Variants in SLF2 observed in about 807,000 individuals in gnomAD.
The protein encoded by SLF2 is SMC5-SMC6 complex localization factor protein 2.
Under a neutral mutation model 124.3 loss-of-function variants are expected in SLF2, and 68 were observed. The ratio of observed to expected loss-of-function variants is 0.55; its 90% CI spans 0.45 to 0.67. The LOEUF (loss-of-function observed/expected upper bound fraction) is 0.67. Among genes scored for constraint, SLF2 ranks in the 30% least tolerant of loss-of-function variants. SLF2 has a pLI of 0.00. For synonymous variants in SLF2, 480 were observed against 478.8 expected, an observed-to-expected ratio of 1.00 and a Z score of -0.03; for missense variants, 1,246 against 1,373.7, an observed-to-expected ratio of 0.91 and a Z score of 1.47.
chr10:100,915,760 A>T (rs1849401808), intron 1 of SLF2, among the ~76,000 whole-genome samples: 1 of 152,196 alleles, frequency 6.6e-6, no homozygotes, highest in Non-Finnish European at 1.5e-5. Context: ...CTATTTAAGT[A>T]CTATAAATAA....
chr10:100,945,463 T>A lies in SLF2; in HGVS notation c.2891T>A (p.Leu964His), dbSNP rs1251385540. 1 of 1,586,908 alleles carries A rather than the reference T, an allele frequency of 6.3e-7. No homozygotes were observed. The highest frequency in any genetic ancestry group is 8.5e-7 in the Non-Finnish European group (1 of 1,173,852). ...KQIPLVDFQS[L>H]LINLMKNIRD... ...ATTCCTTTAGTAGACTTTCAAAGCCTCCTGATAAACCTGATGAAAAACATC... is the reference window on the plus strand; with the variant it reads ...ATTCCTTTAGTAGACTTTCAAAGCCACCTGATAAACCTGATGAAAAACATC... Residue 964 changes from leucine to histidine, a missense_variant, in exon 13 of 20, where the codon CTC becomes CAC. Around this residue, in one of 3 missense-constraint regions of SLF2, gnomAD observed 535 missense variants for 632.8 expected, o/e 0.85. Coordinates refer to ENST00000238961, the MANE Select transcript of SLF2 (RefSeq NM_018121.4).
chr10:100,927,621 G>A (rs2133774821), intron 6 of SLF2, among the ~76,000 whole-genome samples: 1 of 152,244 alleles, frequency 6.6e-6, no homozygotes, highest in South Asian at 2.1e-4. Context: ...TGGACTTACT[G>A]GATTATATGG....
In SLF2 at chr10:100,956,466, C is replaced by T. The variant is rs754111297; in HGVS notation, c.3346C>T (p.Leu1116Phe). The T allele has an allele frequency of 1.2e-6, 2 of 1,612,034 alleles. No homozygotes were observed. Among genetic ancestry groups the T allele is most frequent in the African/African-American group, 2.7e-5 (2 of 74,742 alleles). Residue 1116 changes from leucine (L) to phenylalanine (F), a missense_variant, in exon 18 of 20, where the codon CTC (leucine) becomes TTC (phenylalanine). This residue lies in a region of SLF2 where 535 missense variants were observed against 632.8 expected (regional missense o/e 0.85). Coordinates refer to ENST00000238961, the MANE Select transcript of SLF2 (RefSeq NM_018121.4). Reference protein sequence around the residue: ...SSGQRKHFVLLCGALEKHVKC... With the variant: ...SSGQRKHFVLFCGALEKHVKC... ...TTTTGCACAGAAACACTTTGTGCTA[C>T]TCTGTGGGGCTTTGGAAAAGCATGT... is the stretch of plus-strand genomic sequence containing the variant.
In SLF2 at chr10:100,950,715, G is replaced by A; in HGVS notation, c.3292G>A (p.Glu1098Lys). The A allele has an allele frequency of 1.2e-6, 2 of 1,614,078 alleles. No homozygotes were observed. Among genetic ancestry groups the A allele is most frequent in the Non-Finnish European group, 1.7e-6 (2 of 1,179,978 alleles). The change falls in exon 17 of 20, where the codon GAA becomes AAA. Residue 1098 changes from glutamate to lysine, a missense_variant. By Grantham distance (56) the Glu-to-Lys change is moderately conservative. This residue lies in a region of SLF2 where 535 missense variants were observed against 632.8 expected (regional missense o/e 0.85). Coordinates refer to ENST00000238961, the MANE Select transcript of SLF2 (RefSeq NM_018121.4). ...CTACATTCTTCTTCATTTAGTCGGT[G>A]AAGTTAGTTGTTCTCATTCTTTTTC... ...LTYILLHLVG[E>K]VSCSHSFSSG...
intron 10 of SLF2, 87 bp from the exon 11 acceptor site, chr10:100,938,508 T>C (rs1318609314): frequency 7.7e-6 from 10 of 1,294,408 alleles, no homozygotes; most frequent in African/African-American, 3.0e-5. Flanking sequence ...ATTGTAATTA[T>C]TCATGTTTCA....
chr10:100,916,470 A>G (rs775707924), intron 2 of SLF2, 100 bp from the exon 3 acceptor site: 92 of 1,026,484 alleles, frequency 9.0e-5, no homozygotes, highest in Non-Finnish European at 1.1e-4. Context: ...TTGTGGTAAC[A>G]TTAGTATAGT....
At chr10:100,933,228 A>T (rs1339059626) in intron 9 of SLF2, among the ~76,000 whole-genome samples, 2 of 152,206 alleles carry the variant, frequency 1.3e-5, no homozygotes, top group East Asian at 1.9e-4. Context: ...CCTCTTGTTG[A>T]TGTGGGCCCA....
chr10:100,955,232 G>A (rs957280504), intron 17 of SLF2, among the ~76,000 whole-genome samples: 8 of 150,772 alleles, frequency 5.3e-5, no homozygotes, highest in African/African-American at 2.0e-4. Flanking sequence ...GAGCTACCTC[G>A]CCCGGCTGAC....
chr10:100,916,656 A>G lies in SLF2; in HGVS notation c.271A>G (p.Arg91Gly). ...LSITGTEQFE[R>G]KLSSPKESKP... is the part of the protein sequence containing the mutation. ...TATCACTGGGACAGAGCAGTTTGAA[A>G]GGAAACTATCCTCACCAAAAGAATC... Residue 91 changes from arginine to glycine, a missense_variant, in exon 3 of 20, where the codon AGG becomes GGG. Physicochemically the swap from Arg to Gly is moderately radical, Grantham distance 125 (BLOSUM62 -2). This residue lies in a region of SLF2 where 698 missense variants were observed against 708.9 expected (regional missense o/e 0.98). Coordinates refer to ENST00000238961, the MANE Select transcript of SLF2 (RefSeq NM_018121.4). 1 of 1,523,632 alleles carries G rather than the reference A, an allele frequency of 6.6e-7. No homozygotes were observed. Among genetic ancestry groups the G allele is most frequent in the East Asian group, 2.3e-5 (1 of 44,194 alleles). 94.4% of individuals were successfully genotyped at this position (1,523,632 alleles called of 1,614,324 possible). A position where few individuals can be genotyped will look rare whatever the true frequency, so the allele number is the denominator to read the frequency against.
At chr10:100,930,899 C>G in intron 8 of SLF2, 77 bp from the exon 9 acceptor site, 1 of 1,077,636 alleles carries the variant, frequency 9.3e-7, no homozygotes, top group East Asian at 2.4e-5. Context: ...CTGATTATGT[C>G]AGATGTGTTG....
chr10:100,930,071 C>A, intron 8 of SLF2, 74 bp downstream of exon 8: 1 of 952,354 alleles, frequency 1.1e-6, no homozygotes, highest in Non-Finnish European at 1.5e-6. Context: ...CTCACGTAAT[C>A]TTCTAAAAGG....
rs772297528 is a variant in SLF2, at chr10:100,930,013, G to A, written c.2333+16G>A. On this transcript the variant is annotated intron_variant, in intron 8 of 19. Transcript: ENST00000238961. ...TTATTCTTAAGTAAGTAGAAAAATA[G>A]ACATTTTACTTTTATATGTATAAAA... 5 of 1,446,322 alleles carry A rather than the reference G, an allele frequency of 3.5e-6. No homozygotes were observed. Among genetic ancestry groups the A allele is most frequent in the Non-Finnish European group, 4.6e-6 (5 of 1,080,036 alleles). The allele number at this position is 1,446,322 out of a possible 1,614,324, so 89.6% of individuals were successfully genotyped here.
chr10:100,955,974 C>T (rs966984443), intron 17 of SLF2, among the ~76,000 whole-genome samples: 4 of 151,932 alleles, frequency 2.6e-5, no homozygotes, highest in African/African-American at 9.7e-5. Context: ...GAGGCTGAGA[C>T]TGGAGGAGCA....
At chr10:100,913,548 C>T in intron 1 of SLF2, 1 of 1,235,876 alleles carries the variant, frequency 8.1e-7, no homozygotes, top group Non-Finnish European at 1.0e-6. Flanking sequence ...TGACCCGGGA[C>T]CCTAACTGCT....
At chr10:100,916,166 G>T in intron 2 of SLF2, 124 bp downstream of exon 2, 1 of 673,974 alleles carries the variant, frequency 1.5e-6, no homozygotes, top group South Asian at 2.7e-5. Flanking sequence ...AAAATAAAAT[G>T]AAGATGCAGT....
chr10:100,926,234 A>G, intron 6 of SLF2: 5 of 1,536,686 alleles, frequency 3.3e-6, no homozygotes, highest in East Asian at 4.9e-5. Flanking sequence ...ACTTGAGCCC[A>G]GGAGTTCAAG....
At position 100,925,989 on chromosome 10, in the gene SLF2, G is replaced by A; in HGVS notation, c.2012G>A (p.Arg671His). 4.3e-6 allele frequency: 7 copies of A among 1,612,790 alleles called. No homozygotes were observed. The highest frequency in any genetic ancestry group is 1.3e-5 in the African/African-American group (1 of 74,930). The change falls in exon 6 of 20, where the codon CGT (arginine) becomes CAT (histidine). Residue 671 changes from arginine (R) to histidine (H), a missense_variant. Physicochemically the swap from Arg to His is conservative, Grantham distance 29. This residue lies in a region of SLF2 where 535 missense variants were observed against 632.8 expected (regional missense o/e 0.85). Transcript: ENST00000238961. The part of the protein sequence containing the change: ...HPGTYTNTLE[R>H]LVKEMEDTQR... ...GGAACTTACACAAATACCTTAGAAC[G>A]TCTAGTGAAGGAAATGGAAGACACA...
chr10:100,918,878 T>G, intron 4 of SLF2, among the ~76,000 whole-genome samples: 1 of 152,076 alleles, frequency 6.6e-6, no homozygotes, highest in Non-Finnish European at 1.5e-5. Context: ...ACACCTGACC[T>G]AGTGCATATA....
chr10:100,944,761 A>T (rs1458681001), intron 12 of SLF2, among the ~76,000 whole-genome samples: 2 of 152,240 alleles, frequency 1.3e-5, no homozygotes, highest in Admixed American at 6.5e-5. Context: ...GCGGTGGCTC[A>T]TGCCTGTAAT....
Sources: gnomAD v4.1 joint callset for allele counts (sites outside exome capture counted in the v4.1 genomes callset) on GRCh38, gnomAD v4.1.1 for gene constraint, gnomAD v4.1.1 regional missense constraint, MANE v1.5 for transcripts, NCBI Gene and HGNC (gene_info 2026-07-23, HGNC 2026-07-21) for gene names.